KCNN2: variants seen among roughly 807,000 people sequenced by gnomAD.
KCNN2 encodes the protein potassium calcium-activated channel subfamily N member 2.
A neutral mutation model predicts 55.5 loss-of-function variants in KCNN2; 24 were observed. That is an observed-to-expected ratio of 0.43 (90% CI 0.31 to 0.61). The LOEUF (loss-of-function observed/expected upper bound fraction) is 0.61, where lower values mean the gene tolerates loss of function less well. KCNN2 is among the 20% of genes least tolerant of loss of function. KCNN2 has a pLI of 0.08. For missense variants in KCNN2, 754 were observed against 853.6 expected (o/e 0.88, Z 1.45); for synonymous variants, 431 against 336.1 (o/e 1.28, Z -3.09).
At chr5:114,423,285 C>T (rs541366115) in intron 3 of KCNN2, among the ~76,000 whole-genome samples, 2 of 152,236 alleles carry the variant, frequency 1.3e-5, no homozygotes, top group South Asian at 2.1e-4. Flanking sequence ...GTTCATTTCT[C>T]ATGGTGTCCT....
intron 2 of KCNN2, among the ~76,000 whole-genome samples, chr5:114,379,673 ATAT>A (rs1164933390): frequency 9.6e-6 from 1 of 104,282 alleles, no homozygotes; most frequent in African/African-American, 5.1e-5. Context: ...TTTATAGAAT[ATAT>A]TATATAACAT....
chr5:114,275,560 TG>T (rs926074745), intron 2 of KCNN2, among the ~76,000 whole-genome samples: 15 of 152,166 alleles, frequency 9.9e-5, no homozygotes, highest in African/African-American at 3.6e-4. Context: ...GGTTTAGTCT[TG>T]GGGGGTGTAT....
intron 1 of KCNN2, among the ~76,000 whole-genome samples, chr5:114,158,732 T>A (rs1391042872): frequency 4.0e-5 from 6 of 151,502 alleles, no homozygotes; most frequent in African/African-American, 1.5e-4. Context: ...CCTTGTAAGT[T>A]GGATTCCTAG....
chr5:114,493,333 T>C (rs1207829262), intron 6 of KCNN2, 70 bp from the exon 7 acceptor site: 2 of 944,214 alleles, frequency 2.1e-6, no homozygotes, highest in Non-Finnish European at 3.5e-6. Flanking sequence ...ATTTTGTGCA[T>C]GCTCTTTGGA....
intron 3 of KCNN2, among the ~76,000 whole-genome samples, chr5:114,450,163 G>C (rs1049979465): frequency 2.0e-5 from 3 of 152,210 alleles, no homozygotes; most frequent in Non-Finnish European, 2.9e-5. Context: ...AAATCATAGT[G>C]GGGGCTTCTA....
chr5:114,063,421 T>G (rs988187527), intron 1 of KCNN2, among the ~76,000 whole-genome samples: 1 of 152,200 alleles, frequency 6.6e-6, no homozygotes, highest in African/African-American at 2.4e-5. Flanking sequence ...GATCAGTGCT[T>G]CTTAAATTCA....
At position 114,083,355 on chromosome 5, in the gene KCNN2, T is replaced by A. The variant is rs192163442; in HGVS notation, c.-271+26855T>A. On this transcript the variant is annotated intron_variant, in intron 1 of 10. Coordinates refer to the KCNN2 transcript ENST00000512097. ...GCTTAGATAATTGATTTTAGATACA[T>A]GTTTTTTTCTTTCTTGAATAAGGGT... Among the ~76,000 whole-genome samples, 15 of 152,234 alleles carry A rather than the reference T, an allele frequency of 9.9e-5. No individual in the cohort carries two copies. The East Asian group carries it at 2.5e-3, about 25-fold the overall frequency.
intron 2 of KCNN2, chr5:114,253,369 G>A (rs1191625965): frequency 6.6e-6 from 1 of 152,136 alleles, no homozygotes; most frequent in Admixed American, 6.5e-5. Flanking sequence ...TTCTACCTGG[G>A]TAGACAGAAG....
rs536296668 is a variant in KCNN2 at position 114,486,607 on chromosome 5, T to C, written c.1891-443T>C. ...ACTTATACATTCAGCACTGGAAACA[T>C]GCCCTTCCAGTAGTGCACAGCCAGA... On this transcript the variant is annotated intron_variant, in intron 5 of 7. Coordinates refer to ENST00000673685, the MANE Select transcript of KCNN2 (RefSeq NM_021614.4). The C allele has an allele frequency of 5.3e-5, 26 of 493,518 alleles. No individual in the cohort carries two copies. The African/African-American group carries it at 5.3e-4, about 10-fold the overall frequency. 30.6% of individuals were successfully genotyped at this position (493,518 alleles called of 1,614,324 possible).
chr5:114,149,118 C>T (rs1210792236), intron 1 of KCNN2, among the ~76,000 whole-genome samples: 1 of 152,094 alleles, frequency 6.6e-6, no homozygotes, highest in Non-Finnish European at 1.5e-5. Flanking sequence ...AGGAATCAGC[C>T]TGGATTCCAC....
chr5:114,453,092 A>T (rs938360818), intron 3 of KCNN2, among the ~76,000 whole-genome samples: 2 of 152,198 alleles, frequency 1.3e-5, no homozygotes, highest in Admixed American at 1.3e-4. Context: ...CTACAGCCAC[A>T]TGGGCTTTCT....
chr5:114,359,830 C>G (rs981386743), upstream of KCNN2, among the ~76,000 whole-genome samples: 27 of 152,176 alleles, frequency 1.8e-4, no homozygotes, highest in Non-Finnish European at 3.2e-4. Flanking sequence ...GGATTTTCCG[C>G]ATGAGTTGAA....
intron 2 of KCNN2, among the ~76,000 whole-genome samples, chr5:114,356,168 G>C (rs1464867021): frequency 6.6e-6 from 1 of 152,120 alleles, no homozygotes; most frequent in Non-Finnish European, 1.5e-5. Flanking sequence ...GCTTCTCTTT[G>C]CTGCTCACTA....
chr5:114,143,699 G>T (rs982621243), intron 1 of KCNN2, among the ~76,000 whole-genome samples: 2 of 152,164 alleles, frequency 1.3e-5, no homozygotes. Flanking sequence ...TTCATGTGCC[G>T]TTGGCTCATT....
At chr5:114,428,127 C>G (rs1016996198) in intron 3 of KCNN2, among the ~76,000 whole-genome samples, 1 of 152,110 alleles carries the variant, frequency 6.6e-6, no homozygotes, top group Non-Finnish European at 1.5e-5. Context: ...CTGTTTATAT[C>G]TTTCATATTT....
chr5:114,363,237 G>A lies in KCNN2; in HGVS notation c.1098G>A (p.Glu366=). Residue 366 remains glutamate (E), a synonymous_variant, in exon 1 of 8, where the codon GAG becomes GAA. Transcript: ENST00000673685. The stretch of plus-strand genomic sequence containing the variant: ...TCGTGGTCATGGTCATCGAGACCGA[G>A]CTGTCGTGGGGCGCCTACGACAAGG... ...FGIVVMVIET[E]LSWGAYDKAS... 2 of 1,612,062 alleles carry A rather than the reference G, an allele frequency of 1.2e-6. No homozygotes were observed. The highest frequency in any genetic ancestry group is 8.5e-7 in the Non-Finnish European group (1 of 1,179,500).
At chr5:114,056,181 G>C (rs985072040) in exon 1 of KCNN2, 1 of 393,676 alleles carries the variant, frequency 2.5e-6, no homozygotes, top group Non-Finnish European at 4.5e-6. Context: ...TCAGCAGCGA[G>C]TGGGCAGCGG....
chr5:114,293,383 TGA>T (rs1755938275), intron 2 of KCNN2, among the ~76,000 whole-genome samples: 1 of 152,184 alleles, frequency 6.6e-6, no homozygotes, highest in East Asian at 1.9e-4. Context: ...CCTAATTTAT[TGA>T]GAGTTTTTAG....
chr5:114,443,151 C>T (rs957359452), intron 3 of KCNN2, among the ~76,000 whole-genome samples: 19 of 151,682 alleles, frequency 1.3e-4, no homozygotes. Context: ...ATTAACTGGG[C>T]GTGGTGGCGC....
Sources: allele counts gnomAD v4.1 joint callset (sites outside exome capture counted in the v4.1 genomes callset), GRCh38; gene constraint gnomAD v4.1.1; transcripts MANE v1.5; gene names NCBI Gene and HGNC (gene_info 2026-07-23, HGNC 2026-07-21).